The following CYP19A1 variants were observed in gnomAD, a reference collection of about 807,000 sequenced individuals.
The protein encoded by CYP19A1 is aromatase.
CYP19A1 carries 32 observed loss-of-function variants against 44.4 expected under a neutral mutation model. That is an observed-to-expected ratio of 0.72 (90% CI 0.54 to 0.97). CYP19A1 has a LOEUF of 0.97. Ranked by LOEUF, CYP19A1 falls within the 50% of genes least tolerant of loss-of-function variation. The probability of loss-of-function intolerance (pLI) is 0.00; values close to 1 mark genes in which losing one functional copy is unlikely to be tolerated. For synonymous variants in CYP19A1, 212 were observed against 215.6 expected, an observed-to-expected ratio of 0.98 and a Z score of 0.14; for missense variants, 598 against 637.8, an observed-to-expected ratio of 0.94 and a Z score of 0.67.
At chr15:51,274,101 A>T (rs1464611553) in intron 1 of CYP19A1, among the ~76,000 whole-genome samples, 1 of 152,154 alleles carries the variant, frequency 6.6e-6, no homozygotes, top group African/African-American at 2.4e-5. Context: ...CCAGGTAGAG[A>T]GTGGGACTGG....
intron 8 of CYP19A1, among the ~76,000 whole-genome samples, chr15:51,213,354 G>C (rs2031225525): frequency 6.6e-6 from 1 of 152,200 alleles, no homozygotes; most frequent in South Asian, 2.1e-4. Context: ...ACATGGTAAA[G>C]CTTCAGAGAT....
chr15:51,294,999 GA>G lies in CYP19A1; in HGVS notation c.-39+43495del, dbSNP rs202195912. 7.7e-3 allele frequency among the ~76,000 whole-genome samples: 1,108 copies of G among 143,546 alleles called. 9 individuals carry two copies. Among genetic ancestry groups the G allele is most frequent in the African/African-American group, 0.02 (806 of 39,626 alleles). The allele number at this position is 143,546 out of a possible 152,430, so 94.2% of individuals were successfully genotyped here. ...CTAAGAAAAATTCTTCTGCCTTGGG[GA>G]AAAAAAAAAAAAGAATGCCTGATAC... On this transcript the variant is annotated intron_variant, in intron 1 of 9. Coordinates refer to ENST00000396402, the MANE Select transcript of CYP19A1 (RefSeq NM_000103.4).
intron 1 of CYP19A1, among the ~76,000 whole-genome samples, chr15:51,258,795 T>G: frequency 6.6e-6 from 1 of 152,156 alleles, no homozygotes; most frequent in Middle Eastern, 3.4e-3. Context: ...AATGAAGGAG[T>G]CTTTTAGAGA....
intron 1 of CYP19A1, among the ~76,000 whole-genome samples, chr15:51,282,233 C>G (rs1420915259): frequency 6.6e-6 from 1 of 152,172 alleles, no homozygotes; most frequent in African/African-American, 2.4e-5. Context: ...TACAACACTT[C>G]ATCTTCTTGT....
At chr15:51,238,519 C>T (rs904954889) in intron 2 of CYP19A1, among the ~76,000 whole-genome samples, 2 of 152,128 alleles carry the variant, frequency 1.3e-5, no homozygotes, top group Non-Finnish European at 2.9e-5. Context: ...GACAGAGTCT[C>T]GCTCTGTTGC....
chr15:51,241,070 A>G (rs551203147), intron 2 of CYP19A1, among the ~76,000 whole-genome samples: 19 of 152,288 alleles, frequency 1.2e-4, no homozygotes, highest in Non-Finnish European at 2.2e-4. Context: ...GACAGTGCTG[A>G]GAATCACTGT....
At chr15:51,250,900 A>G (rs1293719202) in intron 1 of CYP19A1, among the ~76,000 whole-genome samples, 2 of 152,230 alleles carry the variant, frequency 1.3e-5, no homozygotes, top group African/African-American at 2.4e-5. Context: ...GGAATTTTCC[A>G]GCCAAAACTG....
At chr15:51,225,588 C>A (rs74481712) in intron 4 of CYP19A1, among the ~76,000 whole-genome samples, 2,059 of 152,204 alleles carry the variant, frequency 0.014, 58 homozygotes, top group African/African-American at 0.048. Context: ...AAGTCCTATA[C>A]GTTTTCCATT....
Position 51,269,497 on chromosome 15 carries a change from T to A in CYP19A1, c.-38-26547A>T, listed in dbSNP as rs1035480604. On this transcript the variant is annotated intron_variant, in intron 1 of 9. Transcript: ENST00000396402. ...CTCTCCAACTTGGTTCTTTTTTTTTTAAATTACTTTATGGGGTTGCCATGG... is the reference window on the plus strand; with the variant it reads ...CTCTCCAACTTGGTTCTTTTTTTTTAAAATTACTTTATGGGGTTGCCATGG... 6.6e-5 allele frequency among the ~76,000 whole-genome samples: 10 copies of A among 152,118 alleles called. 1 individual carries two copies. Among genetic ancestry groups the A allele is most frequent in the South Asian group, 4.2e-4 (2 of 4,816 alleles).
At chr15:51,315,227 C>T (rs1566923459) in intron 1 of CYP19A1, among the ~76,000 whole-genome samples, 1 of 152,178 alleles carries the variant, frequency 6.6e-6, no homozygotes. Flanking sequence ...TCACCCAGGC[C>T]TGCTGCAGTC....
chr15:51,231,791 C>A (rs1319718662), intron 3 of CYP19A1, among the ~76,000 whole-genome samples: 1 of 152,056 alleles, frequency 6.6e-6, no homozygotes, highest in East Asian at 1.9e-4. Flanking sequence ...TACTCAGCCC[C>A]AGCTGAAGAC....
chr15:51,313,246 C>T lies in CYP19A1; in HGVS notation c.-39+25249G>A, dbSNP rs562832233. 6 of 152,358 alleles carry T rather than the reference C, an allele frequency of 3.9e-5. No homozygotes were observed. In the South Asian group the frequency reaches 1.0e-3, roughly 26 times the overall value. The allele number at this position is 152,358 out of a possible 1,614,324, so 9.4% of individuals were successfully genotyped here. A position where few individuals can be genotyped will look rare whatever the true frequency, so the allele number is the denominator to read the frequency against. On this transcript the variant is annotated intron_variant, in intron 1 of 9. Transcript: ENST00000396402. ...TTTCATCTGCAAGGGAATAGGCCTT[C>T]TCTTCTTTGTTTTATTCTCTTCTTT...
chr15:51,216,278 G>C (rs766922286), intron 6 of CYP19A1, among the ~76,000 whole-genome samples: 1 of 152,064 alleles, frequency 6.6e-6, no homozygotes, highest in Non-Finnish European at 1.5e-5. Flanking sequence ...CTGAGACAAA[G>C]TCTCAATCTG....
intron 6 of CYP19A1, 39 bp downstream of exon 6, chr15:51,218,502 C>G (rs1278094277): frequency 6.3e-7 from 1 of 1,586,692 alleles, no homozygotes; most frequent in Non-Finnish European, 8.6e-7. Context: ...AAAACCAATC[C>G]AATTGTACTC....
intron 1 of CYP19A1, chr15:51,321,036 A>T (rs924654386): frequency 6.6e-6 from 1 of 152,160 alleles, no homozygotes; most frequent in African/African-American, 2.4e-5. Flanking sequence ...CTGGAACCCA[A>T]TGGGTGGGTT....
intron 1 of CYP19A1, among the ~76,000 whole-genome samples, chr15:51,253,971 G>A (rs766547401): frequency 1.3e-5 from 2 of 152,188 alleles, no homozygotes; most frequent in African/African-American, 2.4e-5. Flanking sequence ...GCATAAAGCA[G>A]TTGGGGGATA....
At chr15:51,219,407 A>G (rs2031872606) in intron 5 of CYP19A1, among the ~76,000 whole-genome samples, 2 of 152,254 alleles carry the variant, frequency 1.3e-5, no homozygotes, top group Admixed American at 1.3e-4. Context: ...TCCAACTGCT[A>G]AATACCAGTC....
chr15:51,227,972 TC>T, intron 3 of CYP19A1, 39 bp from the exon 4 acceptor site: 1 of 1,125,194 alleles, frequency 8.9e-7, no homozygotes, highest in Non-Finnish European at 1.4e-6. Flanking sequence ...TTTTTAAGGG[TC>T]AGGAGAACTC....
At chr15:51,324,934 C>T (rs1312331047) in intron 1 of CYP19A1, among the ~76,000 whole-genome samples, 1 of 152,174 alleles carries the variant, frequency 6.6e-6, no homozygotes, top group Admixed American at 6.5e-5. Context: ...GATCTGTAAC[C>T]TCATTTTTGG....
Sources: allele counts gnomAD v4.1 joint callset (sites outside exome capture counted in the v4.1 genomes callset), GRCh38; gene constraint gnomAD v4.1.1; transcripts MANE v1.5; gene names NCBI Gene and HGNC (gene_info 2026-07-23, HGNC 2026-07-21).